KIF5A: variants seen among roughly 807,000 people sequenced by gnomAD.
The protein encoded by KIF5A is kinesin family member 5A.
A neutral mutation model predicts 141.3 loss-of-function variants in KIF5A; 35 were observed. The ratio of observed to expected loss-of-function variants is 0.25; its 90% CI spans 0.19 to 0.33. The LOEUF is 0.33. Ranked by LOEUF, KIF5A falls within the 10% of genes least tolerant of loss-of-function variation. The pLI, the probability that KIF5A is intolerant of heterozygous loss-of-function variation, is 1.00. For synonymous variants in KIF5A, 448 were observed against 500.2 expected, an observed-to-expected ratio of 0.90 and a Z score of 1.39; for missense variants, 861 against 1,314.3, an observed-to-expected ratio of 0.66 and a Z score of 5.33.
At chr12:57,567,401 T>C in intron 7 of KIF5A, 93 bp from the exon 8 acceptor site, 1 of 1,096,966 alleles carries the variant, frequency 9.1e-7, no homozygotes. Context: ...ACCTTCTCTC[T>C]GGGTGGGCGG....
Position 57,585,994 on chromosome 12 carries a change from A to T in KIF5A, c.*1813A>T, listed in dbSNP as rs1345148219. ...CTGTTCAAAGGCTCCTCAGCAAATGAGCCCTTGAACAGTCCTAAGAGACCC... is the reference window on the plus strand; with the variant it reads ...CTGTTCAAAGGCTCCTCAGCAAATGTGCCCTTGAACAGTCCTAAGAGACCC... On this transcript the variant is annotated 3_prime_UTR_variant, in exon 29 of 29. Coordinates refer to ENST00000455537, the MANE Select transcript of KIF5A (RefSeq NM_004984.4). 1 of 147,466 alleles carries T rather than the reference A, an allele frequency of 6.8e-6. No individual in the cohort carries two copies. The highest frequency in any genetic ancestry group is 1.5e-5 in the Non-Finnish European group (1 of 67,534). 9.1% of individuals were successfully genotyped at this position (147,466 alleles called of 1,614,324 possible). A position where few individuals can be genotyped will look rare whatever the true frequency, so the allele number is the denominator to read the frequency against.
At position 57,569,025 on chromosome 12, in the gene KIF5A, G is replaced by C. The variant is rs748929502; in HGVS notation, c.777G>C (p.Leu259=). The C allele has an allele frequency of 1.9e-6, 3 of 1,614,072 alleles. No individual in the cohort carries two copies. ...AGGCAAAGAATATCAACAAGTCACT[G>C]TCAGCTCTGGGCAATGTGATCTCCG... The part of the protein sequence containing the change: ...LDEAKNINKS[L]SALGNVISAL... Residue 259 remains leucine, a synonymous_variant, in exon 9 of 29, where the codon CTG becomes CTC. Transcript: ENST00000455537.
intron 20 of KIF5A, 130 bp downstream of exon 20, chr12:57,576,992 T>C: frequency 1.4e-6 from 1 of 699,788 alleles, no homozygotes; most frequent in Non-Finnish European, 2.6e-6. Context: ...TATGATGGGG[T>C]AGGGACGGGA....
At position 57,583,230 on chromosome 12, in the gene KIF5A, C is replaced by A. The variant is rs774223406; in HGVS notation, c.*36+15C>A. 4 of 1,490,810 alleles carry A rather than the reference C, an allele frequency of 2.7e-6. No individual in the cohort carries two copies. The highest frequency in any genetic ancestry group is 3.7e-6 in the Non-Finnish European group (4 of 1,076,178). The allele number at this position is 1,490,810 out of a possible 1,614,324, so 92.3% of individuals were successfully genotyped here. A position where few individuals can be genotyped will look rare whatever the true frequency, so the allele number is the denominator to read the frequency against. ...TGCACTTTCAGGTAGCGTCAGGCTG[C>A]TTCCTCGGACCAGCCTCAGGTTGCT... On this transcript the variant is annotated intron_variant, in intron 28 of 28. Coordinates refer to ENST00000455537, the MANE Select transcript of KIF5A (RefSeq NM_004984.4).
At position 57,572,241 on chromosome 12, in the gene KIF5A, C is replaced by A; in HGVS notation, c.1543C>A (p.Leu515Met). ...GGAGAAGAGCCAGCAGAACCAGCTT[C>A]TGGTGGATGAGCTGTCTCAGAAGGT... ...VEEKSQQNQL[L>M]VDELSQKVAT... Residue 515 changes from leucine (L) to methionine (M), a missense_variant, in exon 14 of 29, where the codon CTG (leucine) becomes ATG (methionine). Around this residue, in one of 5 missense-constraint regions of KIF5A, gnomAD observed 482 missense variants for 661.3 expected, o/e 0.73. Coordinates refer to ENST00000455537, the MANE Select transcript of KIF5A (RefSeq NM_004984.4). This position sits in a 1 kb window ranked among gnomAD's most constrained non-coding sequence, Gnocchi z 4.2. 6.2e-7 allele frequency: 1 copy of A among 1,603,892 alleles called. No individual in the cohort carries two copies.
At position 57,570,170 on chromosome 12, in the gene KIF5A, C is replaced by A. The variant is rs776493530; in HGVS notation, c.1293+8C>A. 6.2e-7 allele frequency: 1 copy of A among 1,612,782 alleles called. No individual in the cohort carries two copies. The highest frequency in any genetic ancestry group is 8.5e-7 in the Non-Finnish European group (1 of 1,179,750). On this transcript the variant is annotated splice_region_variant and intron_variant, in intron 12 of 28. Transcript: ENST00000455537. Reference sequence around the variant, plus strand: ...AAGCAGCTTGACGACAAGGTGAGGGCGGCCAGGCAGGGCACTGAGGCACGC... The same window carrying A: ...AAGCAGCTTGACGACAAGGTGAGGGAGGCCAGGCAGGGCACTGAGGCACGC...
chr12:57,570,951 C>A (rs1344896785), intron 12 of KIF5A, among the ~76,000 whole-genome samples: 2 of 145,060 alleles, frequency 1.4e-5, no homozygotes, highest in East Asian at 4.3e-4. Flanking sequence ...CACCACCACG[C>A]CCAGCTAATT....
Position 57,569,541 on chromosome 12 carries a change from G to T in KIF5A, c.975G>T (p.Lys325Asn). The T allele has an allele frequency of 1.2e-6, 2 of 1,614,142 alleles. No homozygotes were observed. Among genetic ancestry groups the T allele is most frequent in the South Asian group, 2.2e-5 (2 of 91,072 alleles). ...KSTLMFGQRA[K>N]TIKNTASVNL... ...TCCTCTTCTCCTCACCCAGGGCAAA[G>T]ACCATTAAGAACACTGCCTCAGTAA... Residue 325 changes from lysine to asparagine, a missense_variant, in exon 11 of 29, where the codon AAG becomes AAT. Physicochemically the swap from Lys to Asn is moderately conservative, Grantham distance 94. Coordinates refer to ENST00000455537, the MANE Select transcript of KIF5A (RefSeq NM_004984.4).
chr12:57,569,474 C>T (rs1226256106), intron 10 of KIF5A, 61 bp from the exon 11 acceptor site: 1 of 1,613,546 alleles, frequency 6.2e-7, no homozygotes, highest in East Asian at 2.2e-5. Flanking sequence ...GGCTCTCTCT[C>T]CTCAGGGTCA....
chr12:57,576,152 GT>G lies in KIF5A; in HGVS notation c.2088+2del. On this transcript the variant is annotated splice_donor_variant, in intron 18 of 28. Transcript: ENST00000455537. LOFTEE classifies it high-confidence loss of function. The stretch of plus-strand genomic sequence containing the variant: ...CACTCAGGATGCAGATGAAGTGAAG[GT>G]GAGTAAGGAAGGTGTCAGGGACAAT... 1 of 1,614,100 alleles carries G rather than the reference GT, an allele frequency of 6.2e-7. No homozygotes were observed. The highest frequency in any genetic ancestry group is 8.5e-7 in the Non-Finnish European group (1 of 1,179,948).
chr12:57,562,342 C>CAA (rs1881933532), intron 1 of KIF5A, among the ~76,000 whole-genome samples: 1 of 152,028 alleles, frequency 6.6e-6, no homozygotes, highest in African/African-American at 2.4e-5. Flanking sequence ...CAGCCTCCGG[C>CAA]GTAGCTGGGA....
At position 57,578,006 on chromosome 12, in the gene KIF5A, C is replaced by T. The variant is rs1187293334; in HGVS notation, c.2362-3C>T. On this transcript the variant is annotated splice_polypyrimidine_tract_variant and splice_region_variant and intron_variant, in intron 21 of 28. Coordinates refer to ENST00000455537, the MANE Select transcript of KIF5A (RefSeq NM_004984.4). ...ATTCCCAATTTTTCATCATTCTTTC[C>T]AGGCCCGGGAACTCCAGACCCTCCA... 6.2e-7 allele frequency: 1 copy of T among 1,613,584 alleles called. No homozygotes were observed. The highest frequency in any genetic ancestry group is 1.7e-5 in the Admixed American group (1 of 60,024).
rs1354441466 is a variant in KIF5A, at chr12:57,580,998, T to C, written c.2581T>C (p.Leu861=). 1.9e-6 allele frequency: 3 copies of C among 1,614,032 alleles called. No homozygotes were observed. The highest frequency in any genetic ancestry group is 1.7e-5 in the Admixed American group (1 of 60,016). ...AGATCTGCGTTGTGAGCTTCCTAAA[T>C]TGGAAAAACGACTTAGGGCTACGGC... ...NADLRCELPK[L]EKRLRATAER... is the part of the protein sequence containing the mutation. The change falls in exon 24 of 29, where the codon TTG becomes CTG. Residue 861 remains leucine, a synonymous_variant. Coordinates refer to ENST00000455537, the MANE Select transcript of KIF5A (RefSeq NM_004984.4).
At chr12:57,575,779 A>G (rs200823990) in intron 17 of KIF5A, 22 bp downstream of exon 17, 1 of 1,505,482 alleles carries the variant, frequency 6.6e-7, no homozygotes, top group East Asian at 2.3e-5. Flanking sequence ...TTATACCTCC[A>G]TCCCACTGTC....
intron 15 of KIF5A, among the ~76,000 whole-genome samples, chr12:57,574,650 C>T (rs1486445030): frequency 6.8e-6 from 1 of 147,776 alleles, no homozygotes; most frequent in African/African-American, 2.5e-5. Context: ...GGTGTGATCT[C>T]GGTTCACTGC....
intron 8 of KIF5A, among the ~76,000 whole-genome samples, 195 bp from the exon 9 acceptor site, chr12:57,568,768 G>C (rs1359102468): frequency 6.6e-6 from 1 of 152,018 alleles, no homozygotes; most frequent in Non-Finnish European, 1.5e-5. Flanking sequence ...CAGGGGTTAG[G>C]GGCAATGTGG....
intron 1 of KIF5A, among the ~76,000 whole-genome samples, chr12:57,560,813 G>A (rs1233466321): frequency 2.0e-5 from 3 of 151,550 alleles, no homozygotes; most frequent in African/African-American, 7.3e-5. Flanking sequence ...ACCAGCCCAG[G>A]CAACATGGTG....
chr12:57,556,449 A>G (rs1881747343), intron 1 of KIF5A, among the ~76,000 whole-genome samples: 1 of 151,798 alleles, frequency 6.6e-6, no homozygotes, highest in Non-Finnish European at 1.5e-5. Flanking sequence ...ACTCTTGGGT[A>G]TCTTTTAGAC....
intron 8 of KIF5A, among the ~76,000 whole-genome samples, chr12:57,568,461 C>A (rs543350615): frequency 2.6e-5 from 4 of 152,194 alleles, no homozygotes; most frequent in African/African-American, 9.6e-5. Flanking sequence ...CACGGTGGCT[C>A]ACACCTGTAA....
Sources: gnomAD v4.1 joint callset for allele counts (sites outside exome capture counted in the v4.1 genomes callset) on GRCh38, gnomAD v4.1.1 for gene constraint, gnomAD v4.1.1 regional missense constraint, Gnocchi (gnomAD v3.1) non-coding constraint, MANE v1.5 for transcripts, NCBI Gene and HGNC (gene_info 2026-07-23, HGNC 2026-07-21) for gene names.